Variants in RPS6KC1 observed in about 807,000 individuals in gnomAD.
RPS6KC1 encodes the protein inactive ribosomal protein S6 kinase delta-1.
RPS6KC1 carries 54 observed loss-of-function variants against 103.8 expected under a neutral mutation model. The ratio of observed to expected loss-of-function variants is 0.52; its 90% confidence interval spans 0.42 to 0.65. RPS6KC1 has a LOEUF of 0.65. RPS6KC1 is among the 30% of genes least tolerant of loss of function. The pLI, the probability that RPS6KC1 is intolerant of heterozygous loss-of-function variation, is 0.00. For synonymous variants in RPS6KC1, 439 were observed against 438.7 expected, an observed-to-expected ratio of 1.00 and a Z score of -0.01; for missense variants, 1,151 against 1,253.8, an observed-to-expected ratio of 0.92 and a Z score of 1.24.
chr1:213,233,274 T>C (rs2094146079), intron 10 of RPS6KC1, among the ~76,000 whole-genome samples: 1 of 152,184 alleles, frequency 6.6e-6, no homozygotes, highest in African/African-American at 2.4e-5. Flanking sequence ...CTCTCAGGTA[T>C]TAAGAGAGTT....
At chr1:213,280,017 C>G in the RPS6KC1 span, among the ~76,000 whole-genome samples, 1,969 of 152,260 alleles carry the variant, frequency 0.013, 44 homozygotes, top group African/African-American at 0.043. Context: ...TCGCCTCTGC[C>G]TTGCCTGATC....
chr1:213,109,047 G>A (rs1036246156), intron 4 of RPS6KC1, among the ~76,000 whole-genome samples: 1 of 152,046 alleles, frequency 6.6e-6, no homozygotes, highest in South Asian at 2.1e-4. Context: ...GAATTGTATT[G>A]AATCTGTAGT....
chr1:213,098,981 G>A (rs894283136), intron 3 of RPS6KC1, among the ~76,000 whole-genome samples: 50 of 152,134 alleles, frequency 3.3e-4, no homozygotes, highest in Non-Finnish European at 2.8e-4. Flanking sequence ...TTTCTACTCT[G>A]TTCACAGGAA....
chr1:213,051,906 G>A (rs943290578), intron 1 of RPS6KC1, among the ~76,000 whole-genome samples: 2 of 152,216 alleles, frequency 1.3e-5, no homozygotes, highest in Non-Finnish European at 2.9e-5. Flanking sequence ...TGTAATATAA[G>A]TTGTTTTTTC....
chr1:213,360,533 G>A, the RPS6KC1 span, among the ~76,000 whole-genome samples: 28 of 152,162 alleles, frequency 1.8e-4, no homozygotes, highest in African/African-American at 2.6e-4. Flanking sequence ...AAGTTTGTTC[G>A]TCTGAAGCCT....
chr1:213,722,182 G>T, the RPS6KC1 span, among the ~76,000 whole-genome samples: 1 of 152,034 alleles, frequency 6.6e-6, no homozygotes, highest in South Asian at 2.1e-4. Context: ...GAGGGTTTGG[G>T]CAAAAGACCA....
chr1:213,579,085 A>G, the RPS6KC1 span, among the ~76,000 whole-genome samples: 1 of 152,006 alleles, frequency 6.6e-6, no homozygotes, highest in South Asian at 2.1e-4. Flanking sequence ...TGTTCTTATG[A>G]TAGTGAATAA....
chr1:213,827,047 A>G, the RPS6KC1 span, among the ~76,000 whole-genome samples: 1 of 152,082 alleles, frequency 6.6e-6, no homozygotes, highest in Non-Finnish European at 1.5e-5. Context: ...GGCTTGAGTA[A>G]CTCTGAGGTT....
the RPS6KC1 span, among the ~76,000 whole-genome samples, chr1:213,280,213 C>T: frequency 3.9e-5 from 6 of 152,078 alleles, no homozygotes; most frequent in Admixed American, 6.5e-5. Flanking sequence ...AAGAGAAAAT[C>T]GGGGCAAAAT....
chr1:213,286,536 T>C, the RPS6KC1 span, among the ~76,000 whole-genome samples: 6 of 152,188 alleles, frequency 3.9e-5, no homozygotes, highest in Admixed American at 1.3e-4. Context: ...TGATCACCTT[T>C]GGAGAATTAC....
chr1:213,803,483 G>T, the RPS6KC1 span, among the ~76,000 whole-genome samples: 2 of 152,078 alleles, frequency 1.3e-5, no homozygotes, highest in Non-Finnish European at 2.9e-5. Context: ...CCGATCCCAG[G>T]TGATCCGCCC....
chr1:213,543,092 A>G, the RPS6KC1 span, among the ~76,000 whole-genome samples: 1 of 152,240 alleles, frequency 6.6e-6, no homozygotes, highest in Non-Finnish European at 1.5e-5. Flanking sequence ...TGGCCCATTC[A>G]GGACTGCAAT....
At position 213,089,864 on chromosome 1, in the gene RPS6KC1, A is replaced by AGGC. The variant is rs1269064248; in HGVS notation, c.262+12050_262+12052dup. 3.3e-5 allele frequency among the ~76,000 whole-genome samples: 5 copies of AGGC among 152,334 alleles called. No homozygotes were observed. The East Asian group carries it at 9.6e-4, about 29-fold the overall frequency. ...CTTATTTTTCAAGTATTTATATGTC[A>AGGC]GGCGCGGTCCTACGTGCTGAAGATA... On this transcript the variant is annotated intron_variant, in intron 3 of 14. Coordinates refer to ENST00000366960, the MANE Select transcript of RPS6KC1 (RefSeq NM_012424.6).
At chr1:213,773,235 T>TCTTCCCTGTTGCAGACAAA in the RPS6KC1 span, among the ~76,000 whole-genome samples, 1 of 151,036 alleles carries the variant, frequency 6.6e-6, no homozygotes, top group Non-Finnish European at 1.5e-5. Flanking sequence ...TCAAGGGGAA[T>TCTTCCCTGTTGCAGACAAA]CTTCCCTGTT....
At chr1:213,401,321 G>T in the RPS6KC1 span, among the ~76,000 whole-genome samples, 2 of 152,140 alleles carry the variant, frequency 1.3e-5, no homozygotes, top group Non-Finnish European at 2.9e-5. Flanking sequence ...GGGCTAAGGG[G>T]GTTTGCTCAA....
the RPS6KC1 span, among the ~76,000 whole-genome samples, chr1:213,853,434 A>G: frequency 2.0e-5 from 3 of 152,238 alleles, no homozygotes; most frequent in Non-Finnish European, 4.4e-5. Context: ...ACCTTCTCAA[A>G]GTGCTGCTAT....
the RPS6KC1 span, among the ~76,000 whole-genome samples, chr1:213,686,647 G>A: frequency 6.6e-6 from 1 of 152,178 alleles, no homozygotes; most frequent in Admixed American, 6.5e-5. Context: ...CCCTAAGGGA[G>A]GTTCCATCTT....
intron 12 of RPS6KC1, among the ~76,000 whole-genome samples, chr1:213,251,658 G>A (rs2094548870): frequency 1.3e-5 from 2 of 152,166 alleles, no homozygotes. Flanking sequence ...CCTACAACTT[G>A]TAAAAGTGCA....
intron 8 of RPS6KC1, among the ~76,000 whole-genome samples, chr1:213,221,119 C>G (rs1168146485): frequency 2.0e-5 from 3 of 152,002 alleles, no homozygotes; most frequent in Admixed American, 2.0e-4. Context: ...AAACATCTTA[C>G]ATTTTATGTT....
Sources: allele counts gnomAD v4.1 joint callset (sites outside exome capture counted in the v4.1 genomes callset), GRCh38; gene constraint gnomAD v4.1.1; transcripts MANE v1.5; gene names NCBI Gene and HGNC (gene_info 2026-07-23, HGNC 2026-07-21).